Variants in SLC9A6 observed in about 807,000 individuals in gnomAD.
SLC9A6 encodes solute carrier family 9 member A6, also known as sodium/hydrogen exchanger 6.
Under a neutral mutation model 45.3 loss-of-function variants are expected in SLC9A6, and 6 were observed. The ratio of observed to expected loss-of-function variants is 0.13; its 90% CI spans 0.07 to 0.26. SLC9A6 has a LOEUF of 0.26. Among genes scored for constraint, SLC9A6 ranks in the 10% least tolerant of loss-of-function variants. The pLI, the probability that SLC9A6 is intolerant of heterozygous loss-of-function variation, is 1.00. For synonymous variants in SLC9A6, 191 were observed against 187.7 expected (o/e 1.02, Z -0.14); for missense variants, 278 against 503.7 (o/e 0.55, Z 4.29).
At chrX:136,023,514 G>A (rs782534465) in intron 12 of SLC9A6, among the ~76,000 whole-genome samples, 54 of 109,367 alleles carry the variant, frequency 4.9e-4, no homozygotes, top group Non-Finnish European at 9.1e-4. Context: ...AATCTCAGAG[G>A]CATTATGCTA....
chrX:135,985,468 C>G lies in SLC9A6; in HGVS notation c.-66C>G, dbSNP rs2089315684. The G allele has an allele frequency of 9.8e-7, 1 of 1,018,047 alleles. No homozygotes were observed. The highest frequency in any genetic ancestry group is 3.8e-5 in the East Asian group (1 of 26,095). 83.9% of individuals were successfully genotyped at this position (1,018,047 alleles called of 1,213,427 possible). ...GGGGAGTGGTCCGACCGCGGGCGGC[C>G]GCCGGTGAGGTAGGGGCGGGAGGCG... On this transcript the variant is annotated 5_prime_UTR_variant, in exon 1 of 18. Transcript: ENST00000630721.
At chrX:136,029,152 G>A (rs1220998230) in intron 14 of SLC9A6, among the ~76,000 whole-genome samples, 177 bp downstream of exon 14, 1 of 111,227 alleles carries the variant, frequency 9.0e-6, no homozygotes. Context: ...AACAGCATGA[G>A]CAAAGGCATG....
At chrX:136,026,354 C>T (rs781922114) in intron 13 of SLC9A6, among the ~76,000 whole-genome samples, 146 of 111,878 alleles carry the variant, frequency 1.3e-3, no homozygotes, top group African/African-American at 4.5e-3. Context: ...TTTAAAGCCT[C>T]GGTTTCCTCA....
At chrX:135,989,604 A>G (rs1027520113) in intron 2 of SLC9A6, among the ~76,000 whole-genome samples, 1 of 112,233 alleles carries the variant, frequency 8.9e-6, no homozygotes. Context: ...ATTTCTCATC[A>G]TATCTTTCAC....
intron 7 of SLC9A6, among the ~76,000 whole-genome samples, chrX:136,009,925 C>A (rs1204668842): frequency 8.9e-6 from 1 of 111,909 alleles, no homozygotes; most frequent in Non-Finnish European, 1.9e-5. Context: ...AGATATTAGG[C>A]ATTTGGCCCA....
intron 16 of SLC9A6, among the ~76,000 whole-genome samples, chrX:136,036,138 A>G (rs1438736939): frequency 9.0e-6 from 1 of 111,024 alleles, no homozygotes; most frequent in Non-Finnish European, 1.9e-5. Flanking sequence ...GTTTTAACCA[A>G]CTTGGTGAAT....
intron 2 of SLC9A6, among the ~76,000 whole-genome samples, chrX:135,986,843 TTGC>T (rs1569523863): frequency 9.0e-6 from 1 of 111,364 alleles, no homozygotes; most frequent in Non-Finnish European, 1.9e-5. Flanking sequence ...TGTGCGGGTA[TTGC>T]TAAAGAGATG....
rs2089534225 is a variant in SLC9A6 at position 135,998,329 on chromosome X, C to T, written c.447+144C>T. On this transcript the variant is annotated intron_variant, in intron 4 of 17. Transcript: ENST00000630721. ...TCCTTTTTAGATGCTGAAATTTATA[C>T]CTGTACAAGAATGCTTTCTCTTATT... is the stretch of plus-strand genomic sequence containing the variant. The T allele has an allele frequency of 1.3e-5, 7 of 555,252 alleles. No individual in the cohort carries two copies. The South Asian group carries it at 2.1e-4, about 16-fold the overall frequency. 45.8% of individuals were successfully genotyped at this position (555,252 alleles called of 1,213,427 possible).
At chrX:136,000,013 C>T (rs781877783) in intron 6 of SLC9A6, among the ~76,000 whole-genome samples, 11 of 108,513 alleles carry the variant, frequency 1.0e-4, no homozygotes, top group East Asian at 2.9e-4. Context: ...TTTGGGAGGC[C>T]GAGATGGTAG....
At chrX:136,003,429 G>A (rs1367166319) in intron 7 of SLC9A6, among the ~76,000 whole-genome samples, 1 of 112,050 alleles carries the variant, frequency 8.9e-6, no homozygotes, top group Non-Finnish European at 1.9e-5. Flanking sequence ...GGAGAACTTT[G>A]CATGTCAAAA....
chrX:136,000,754 CCTT>C (rs2089569255), intron 6 of SLC9A6, among the ~76,000 whole-genome samples: 1 of 111,967 alleles, frequency 8.9e-6, no homozygotes, highest in Non-Finnish European at 1.9e-5. Flanking sequence ...GCTCTACTCT[CCTT>C]CTCCCCCTCT....
intron 1 of SLC9A6, among the ~76,000 whole-genome samples, chrX:135,978,400 C>T (rs1334925950): frequency 1.8e-5 from 2 of 111,427 alleles, no homozygotes; most frequent in Non-Finnish European, 3.8e-5. Context: ...GCTTGTAATC[C>T]CAGCACTTTG....
intron 2 of SLC9A6, 100 bp downstream of exon 2, chrX:135,985,927 TC>T: frequency 2.0e-6 from 2 of 1,001,268 alleles, no homozygotes; most frequent in African/African-American, 1.9e-5. Flanking sequence ...TACGTTCGGC[TC>T]CCCTTCTAAT....
At chrX:135,987,169 G>T (rs1162036656) in intron 2 of SLC9A6, among the ~76,000 whole-genome samples, 2 of 111,771 alleles carry the variant, frequency 1.8e-5, no homozygotes, top group African/African-American at 6.5e-5. Flanking sequence ...TGCTCACTAA[G>T]ATTCCTAGTT....
At chrX:135,985,946 A>G (rs1404308080) in intron 2 of SLC9A6, 119 bp downstream of exon 2, 2 of 860,287 alleles carry the variant, frequency 2.3e-6, no homozygotes, top group Admixed American at 2.5e-5. Flanking sequence ...AATTCCTTCC[A>G]TTTTCTGCCT....
chrX:135,999,027 C>T, intron 6 of SLC9A6, 59 bp downstream of exon 6: 1 of 731,402 alleles, frequency 1.4e-6, no homozygotes. Context: ...CAGTCAAATA[C>T]ATGTGGGTTT....
At chrX:136,021,815 C>T (rs1250264447) in intron 11 of SLC9A6, among the ~76,000 whole-genome samples, 1 of 112,192 alleles carries the variant, frequency 8.9e-6, no homozygotes, top group Non-Finnish European at 1.9e-5. Flanking sequence ...GTGTGAGCCA[C>T]CATGTCTGGC....
At position 136,015,616 on chromosome X, in the gene SLC9A6, C is replaced by T. The variant is rs542093620; in HGVS notation, c.1081-1029C>T. Among the ~76,000 whole-genome samples, 20 of 111,319 alleles carry T rather than the reference C, an allele frequency of 1.8e-4. No homozygotes were observed. The South Asian group carries it at 7.1e-3, about 40-fold the overall frequency. On this transcript the variant is annotated intron_variant, in intron 10 of 17. Transcript: ENST00000630721. Reference sequence around the variant, plus strand: ...AGTCCTTAGTATAGTATCAGACACACGGTAAAAACTGAAAAAGGTATAGCT... The same window carrying T: ...AGTCCTTAGTATAGTATCAGACACATGGTAAAAACTGAAAAAGGTATAGCT...
At chrX:136,026,782 C>T (rs1009748611) in intron 13 of SLC9A6, among the ~76,000 whole-genome samples, 7 of 111,934 alleles carry the variant, frequency 6.3e-5, no homozygotes, top group Admixed American at 9.5e-5. Context: ...GTGATTCGCC[C>T]GCCTCAGCCT....
Sources: gnomAD v4.1 joint callset for allele counts (sites outside exome capture counted in the v4.1 genomes callset) on GRCh38, gnomAD v4.1.1 for gene constraint, MANE v1.5 for transcripts, NCBI Gene and HGNC (gene_info 2026-07-23, HGNC 2026-07-21) for gene names.